DROSHA: variants seen among roughly 807,000 people sequenced by gnomAD.
DROSHA encodes the protein drosha ribonuclease III.
In DROSHA, 56 loss-of-function variants were observed where a neutral mutation model predicts 181.9. That is an observed-to-expected ratio of 0.31 (90% CI 0.25 to 0.38). The LOEUF (loss-of-function observed/expected upper bound fraction) is 0.38, where lower values mean the gene tolerates loss of function less well. DROSHA is among the 10% of genes least tolerant of loss of function. DROSHA has a pLI of 1.00. For synonymous variants in DROSHA, 524 were observed against 591.2 expected, an observed-to-expected ratio of 0.89 and a Z score of 1.65; for missense variants, 1,218 against 1,743.5, an observed-to-expected ratio of 0.70 and a Z score of 5.37.
intron 16 of DROSHA, among the ~76,000 whole-genome samples, chr5:31,477,001 T>G (rs1750447040): frequency 6.6e-6 from 1 of 152,228 alleles, no homozygotes; most frequent in South Asian, 2.1e-4. Context: ...TTTATCTTGT[T>G]GGCTGAAATA....
At chr5:31,501,182 G>A (rs1246308190) in intron 11 of DROSHA, among the ~76,000 whole-genome samples, 5 of 152,190 alleles carry the variant, frequency 3.3e-5, no homozygotes, top group Non-Finnish European at 5.9e-5. Flanking sequence ...CATGTTAGAT[G>A]CAGTATCTGA....
chr5:31,478,913 C>T (rs990896351), intron 16 of DROSHA, among the ~76,000 whole-genome samples: 7 of 152,188 alleles, frequency 4.6e-5, no homozygotes, highest in African/African-American at 1.7e-4. Flanking sequence ...AATTTCACTA[C>T]TAGAACTCTA....
intron 11 of DROSHA, among the ~76,000 whole-genome samples, chr5:31,503,512 A>T (rs1357263945): frequency 6.6e-6 from 1 of 151,974 alleles, no homozygotes; most frequent in Non-Finnish European, 1.5e-5. Context: ...TTCAGGGTCA[A>T]CCTCAGCTGC....
intron 13 of DROSHA, among the ~76,000 whole-genome samples, chr5:31,492,626 C>A (rs544424140): frequency 6.6e-6 from 1 of 152,312 alleles, no homozygotes; most frequent in African/African-American, 2.4e-5. Flanking sequence ...AAAGACAATT[C>A]CTGGGACTGT....
chr5:31,489,908 C>T (rs1420703140), intron 13 of DROSHA, among the ~76,000 whole-genome samples: 1 of 9,104 alleles, frequency 1.1e-4, no homozygotes, highest in African/African-American at 1.4e-4. Flanking sequence ...CGCGGAGTTT[C>T]GCTCTTGTCG....
intron 20 of DROSHA, among the ~76,000 whole-genome samples, chr5:31,454,928 A>C (rs1245673731): frequency 1.7e-5 from 2 of 117,208 alleles, no homozygotes; most frequent in East Asian, 4.8e-4. Flanking sequence ...CGACAGAGAG[A>C]GACTCTGTCT....
chr5:31,446,339 C>T (rs909523190), intron 23 of DROSHA, among the ~76,000 whole-genome samples: 2 of 149,550 alleles, frequency 1.3e-5, no homozygotes, highest in South Asian at 2.1e-4. Flanking sequence ...CCCAGCTACT[C>T]GGTAGGCTGA....
Position 31,495,946 on chromosome 5 carries a change from C to T in DROSHA, c.1669-574G>A, listed in dbSNP as rs12109632. 2.3e-3 allele frequency among the ~76,000 whole-genome samples: 348 copies of T among 152,208 alleles called. 2 individuals carry two copies. The highest frequency in any genetic ancestry group is 8.1e-3 in the African/African-American group (338 of 41,526). ...ATGGGCCTGGGGAGGCCAAGGAGAG[C>T]GATGCCAGGTGTCTGAACCTCTGGC... On this transcript the variant is annotated intron_variant, in intron 11 of 35. Coordinates refer to ENST00000344624, the MANE Select transcript of DROSHA (RefSeq NM_001382508.1).
At chr5:31,429,358 T>C (rs1276189051) in intron 27 of DROSHA, 117 bp downstream of exon 27, 3 of 909,586 alleles carry the variant, frequency 3.3e-6, no homozygotes, top group Non-Finnish European at 4.8e-6. Flanking sequence ...GTCCCATCTA[T>C]GGTAGATCTG....
Position 31,431,702 on chromosome 5 carries a change from C to T in DROSHA, c.3043-24G>A, listed in dbSNP as rs769927182. The T allele has an allele frequency of 1.4e-5, 23 of 1,612,380 alleles. No individual in the cohort carries two copies. In the South Asian group the frequency reaches 1.9e-4, roughly 13 times the overall value. On this transcript the variant is annotated intron_variant, in intron 25 of 35. Transcript: ENST00000344624. ...TTCTACAAAATTCACAATGACAAAA[C>T]GTAAGAAAGAGTTTGCCAAAATCTT...
chr5:31,421,157 A>G, intron 30 of DROSHA, 115 bp downstream of exon 30: 1 of 798,986 alleles, frequency 1.3e-6, no homozygotes. Flanking sequence ...AAAGCCAATG[A>G]TAAGCTAAAG....
At chr5:31,520,236 T>A (rs973246137) in intron 6 of DROSHA, among the ~76,000 whole-genome samples, 1 of 152,218 alleles carries the variant, frequency 6.6e-6, no homozygotes, top group Non-Finnish European at 1.5e-5. Flanking sequence ...TTAAATTTTT[T>A]AATTTCTTTT....
chr5:31,516,857 T>A (rs186134330), intron 6 of DROSHA, among the ~76,000 whole-genome samples: 9 of 152,304 alleles, frequency 5.9e-5, no homozygotes, highest in Admixed American at 4.6e-4. Context: ...ATAATAGTCA[T>A]TTAGGTTAAC....
rs1233387563 is a variant in DROSHA at position 31,409,275 on chromosome 5, T to C, written c.3725A>G (p.Asn1242Ser). The C allele has an allele frequency of 6.3e-7, 1 of 1,594,620 alleles. No homozygotes were observed. Among genetic ancestry groups the C allele is most frequent in the Non-Finnish European group, 8.5e-7 (1 of 1,169,800 alleles). The change falls in exon 32 of 36, where the codon AAT becomes AGT. Residue 1242 changes from asparagine (N) to serine (S), a missense_variant. Coordinates refer to ENST00000344624, the MANE Select transcript of DROSHA (RefSeq NM_001382508.1). The surrounding 1 kb of genome is among the most constrained non-coding windows in gnomAD (Gnocchi z 4.0). ...TTTCAATCGTGGAAAGAAGCAGACA[T>C]TCATGAAAGTATGAACATATTCCAA... ...KDLEYVHTFM[N>S]VCFFPRLKEF...
intron 1 of DROSHA, among the ~76,000 whole-genome samples, 165 bp downstream of exon 1, chr5:31,531,825 G>A (rs1741444691): frequency 2.0e-5 from 3 of 152,084 alleles, no homozygotes; most frequent in African/African-American, 4.8e-5. Flanking sequence ...TTATTTGCGG[G>A]ATCCAGGCCT....
intron 2 of DROSHA, among the ~76,000 whole-genome samples, 161 bp downstream of exon 2, chr5:31,531,289 C>A (rs1185205777): frequency 6.6e-6 from 1 of 152,214 alleles, no homozygotes; most frequent in Non-Finnish European, 1.5e-5. Context: ...CACTCTTGTA[C>A]AGTGTGTAAC....
chr5:31,459,414 T>TA (rs4050153), intron 20 of DROSHA, among the ~76,000 whole-genome samples: 2,155 of 130,176 alleles, frequency 0.017, 57 homozygotes, highest in African/African-American at 0.05. Flanking sequence ...TCCCATGTCT[T>TA]AAAAAAAAAA....
intron 16 of DROSHA, among the ~76,000 whole-genome samples, chr5:31,478,414 G>A (rs1359648814): frequency 6.6e-6 from 1 of 152,246 alleles, no homozygotes; most frequent in African/African-American, 2.4e-5. Flanking sequence ...GCTGTGGGTT[G>A]GACAAGCTTG....
At chr5:31,480,787 C>A (rs758814414) in intron 16 of DROSHA, among the ~76,000 whole-genome samples, 1 of 152,090 alleles carries the variant, frequency 6.6e-6, no homozygotes, top group Non-Finnish European at 1.5e-5. Flanking sequence ...AGTGATACAA[C>A]AAGACAGACA....
Sources: gnomAD v4.1 joint callset for allele counts (sites outside exome capture counted in the v4.1 genomes callset) on GRCh38, gnomAD v4.1.1 for gene constraint, Gnocchi (gnomAD v3.1) non-coding constraint, MANE v1.5 for transcripts, NCBI Gene and HGNC (gene_info 2026-07-23, HGNC 2026-07-21) for gene names.